The following ZEB1 variants were observed in gnomAD, a reference collection of about 807,000 sequenced individuals.
The protein encoded by ZEB1 is zinc finger E-box binding homeobox 1.
Under a neutral mutation model 84.9 loss-of-function variants are expected in ZEB1, and 21 were observed. That is an observed-to-expected ratio of 0.25 (90% CI 0.18 to 0.36). The LOEUF (loss-of-function observed/expected upper bound fraction) is 0.36, where lower values mean the gene tolerates loss of function less well. Ranked by LOEUF, ZEB1 falls within the 10% of genes least tolerant of loss-of-function variation. ZEB1 has a pLI of 1.00. For missense variants in ZEB1, 1,104 were observed against 1,330.2 expected (o/e 0.83, Z 2.65); for synonymous variants, 420 against 471.1 (o/e 0.89, Z 1.41).
At chr10:31,409,960 G>T (rs1033544468) in intron 1 of ZEB1, among the ~76,000 whole-genome samples, 4 of 152,204 alleles carry the variant, frequency 2.6e-5, no homozygotes, top group African/African-American at 9.6e-5. Context: ...TGCAAACAGA[G>T]ACAATTTGAC....
intron 1 of ZEB1, among the ~76,000 whole-genome samples, chr10:31,329,965 G>A (rs117172358): frequency 0.033 from 5,061 of 152,164 alleles, 116 homozygotes; most frequent in South Asian, 0.065. Flanking sequence ...TTGGATACAA[G>A]TATTAAAGAT....
At chr10:31,444,144 T>C (rs916735050) in intron 1 of ZEB1, among the ~76,000 whole-genome samples, 8 of 150,862 alleles carry the variant, frequency 5.3e-5, no homozygotes, top group African/African-American at 2.0e-4. Flanking sequence ...GGTTTTGATT[T>C]GCATTTCTCT....
In ZEB1 at chr10:31,495,804, G is replaced by T. The variant is rs753228678; in HGVS notation, c.288G>T (p.Gly96=). 6.2e-7 allele frequency: 1 copy of T among 1,612,920 alleles called. No homozygotes were observed. The highest frequency in any genetic ancestry group is 1.7e-5 in the Admixed American group (1 of 59,962). ...GAAAGGAAGGGCAAGAAATCCTGGG[G>T]CCTGAAGCTCAGGCAGATGAAGCAG... ...DTGKEGQEIL[G]PEAQADEAGC... is the part of the protein sequence containing the mutation. The change falls in exon 3 of 9, where the codon GGG becomes GGT. Residue 96 remains glycine (G), a synonymous_variant. Transcript: ENST00000424869.
At chr10:31,322,445 T>TA (rs1167637289) in intron 1 of ZEB1, among the ~76,000 whole-genome samples, 1 of 152,244 alleles carries the variant, frequency 6.6e-6, no homozygotes, top group African/African-American at 2.4e-5. Context: ...TGAAATAAGA[T>TA]ACGTGGATTT....
At chr10:31,368,596 ATAT>A (rs1465397378) in intron 1 of ZEB1, among the ~76,000 whole-genome samples, 1 of 151,658 alleles carries the variant, frequency 6.6e-6, no homozygotes, top group African/African-American at 2.4e-5. Context: ...TTTTTCCTGA[ATAT>A]TATGTGTGTG....
intron 1 of ZEB1, among the ~76,000 whole-genome samples, chr10:31,435,033 T>C (rs2058123584): frequency 6.6e-6 from 1 of 152,212 alleles, no homozygotes; most frequent in Non-Finnish European, 1.5e-5. Flanking sequence ...GTTACATTAC[T>C]TAAAAAAAGA....
intron 1 of ZEB1, among the ~76,000 whole-genome samples, chr10:31,392,203 C>A (rs1415346219): frequency 6.6e-6 from 1 of 151,926 alleles, no homozygotes; most frequent in East Asian, 1.9e-4. Flanking sequence ...AAGTATGAGG[C>A]TATGTGATAA....
At chr10:31,385,720 G>T (rs151002967) in intron 1 of ZEB1, among the ~76,000 whole-genome samples, 4,972 of 151,870 alleles carry the variant, frequency 0.033, 114 homozygotes, top group South Asian at 0.065. Context: ...TAGAGATGGG[G>T]TTTCACCATG....
intron 1 of ZEB1, among the ~76,000 whole-genome samples, chr10:31,373,440 A>T (rs1210416456): frequency 2.0e-5 from 3 of 151,840 alleles, no homozygotes; most frequent in African/African-American, 7.2e-5. Flanking sequence ...TAAAAATTCA[A>T]TTTTTGTAGT....
At chr10:31,450,983 C>G (rs916410421) in intron 1 of ZEB1, among the ~76,000 whole-genome samples, 2 of 151,994 alleles carry the variant, frequency 1.3e-5, no homozygotes, top group Admixed American at 1.3e-4. Context: ...TCCTAGAATT[C>G]AGACTTTTCA....
Position 31,485,960 on chromosome 10 carries a change from A to C in ZEB1, c.260-9816A>C, listed in dbSNP as rs749972135. On this transcript the variant is annotated intron_variant, in intron 2 of 8. Coordinates refer to ENST00000424869, the MANE Select transcript of ZEB1 (RefSeq NM_001174096.2). ...ATTTTCTCTTCTTGAGAATGTTATAAAAATGAAATCATACAACATGAAACA... is the reference window on the plus strand; with the variant it reads ...ATTTTCTCTTCTTGAGAATGTTATACAAATGAAATCATACAACATGAAACA... Among the ~76,000 whole-genome samples, 182 of 152,016 alleles carry C rather than the reference A, an allele frequency of 1.2e-3. 1 individual carries two copies. Among genetic ancestry groups the C allele is most frequent in the Non-Finnish European group, 8.1e-4 (55 of 67,886 alleles).
intron 8 of ZEB1, among the ~76,000 whole-genome samples, chr10:31,524,439 G>A (rs1026703633): frequency 6.6e-6 from 1 of 151,814 alleles, no homozygotes; most frequent in African/African-American, 2.4e-5. Flanking sequence ...GAACTAATGA[G>A]CTCGAGCCAT....
At chr10:31,319,486 C>G (rs2033113310) in intron 1 of ZEB1, 194 bp downstream of exon 1, 2 of 616,214 alleles carry the variant, frequency 3.2e-6, no homozygotes, top group Non-Finnish European at 5.7e-6. Flanking sequence ...CGCGGCCGCT[C>G]GCTCTCCCTG....
chr10:31,496,722 C>T lies in ZEB1; in HGVS notation c.322+884C>T, dbSNP rs114527817. On this transcript the variant is annotated intron_variant, in intron 3 of 8. Coordinates refer to ENST00000424869, the MANE Select transcript of ZEB1 (RefSeq NM_001174096.2). ...TTAATTACATTTTCTTTTTCCTTCTCTTCTATGAGTTATCATTTATAGATT... is the reference window on the plus strand; with the variant it reads ...TTAATTACATTTTCTTTTTCCTTCTTTTCTATGAGTTATCATTTATAGATT... Among the ~76,000 whole-genome samples, 1,064 of 152,084 alleles carry T rather than the reference C, an allele frequency of 7.0e-3. 12 individuals carry two copies. Among genetic ancestry groups the T allele is most frequent in the African/African-American group, 0.024 (979 of 41,514 alleles).
At chr10:31,444,856 C>T (rs2136729850) in intron 1 of ZEB1, among the ~76,000 whole-genome samples, 1 of 151,872 alleles carries the variant, frequency 6.6e-6, no homozygotes, top group East Asian at 1.9e-4. Context: ...GTGATGCCTC[C>T]AGCTTTGTTC....
chr10:31,440,804 C>A (rs1179299307), intron 1 of ZEB1, among the ~76,000 whole-genome samples: 1 of 152,168 alleles, frequency 6.6e-6, no homozygotes, highest in Non-Finnish European at 1.5e-5. Context: ...CCCCCATTCA[C>A]AATTGCTTCA....
chr10:31,393,961 T>C (rs1281590391), intron 1 of ZEB1, among the ~76,000 whole-genome samples: 2 of 152,154 alleles, frequency 1.3e-5, no homozygotes, highest in African/African-American at 4.8e-5. Flanking sequence ...AGGATATAAG[T>C]AAATATATTC....
chr10:31,426,702 A>G (rs1233703604), intron 1 of ZEB1, among the ~76,000 whole-genome samples: 1 of 152,160 alleles, frequency 6.6e-6, no homozygotes, highest in African/African-American at 2.4e-5. Context: ...CCTTTACAAC[A>G]GAAATCTCTA....
At chr10:31,400,387 C>T (rs1335363287) in intron 1 of ZEB1, among the ~76,000 whole-genome samples, 1 of 152,084 alleles carries the variant, frequency 6.6e-6, no homozygotes, top group Admixed American at 6.5e-5. Context: ...CAGTAAATGA[C>T]ATGCATGGAG....
Sources: allele counts gnomAD v4.1 joint callset (sites outside exome capture counted in the v4.1 genomes callset), GRCh38; gene constraint gnomAD v4.1.1; transcripts MANE v1.5; gene names NCBI Gene and HGNC (gene_info 2026-07-23, HGNC 2026-07-21).